Variants in GLCE observed in about 807,000 individuals in gnomAD.
The protein encoded by GLCE is glucuronic acid epimerase.
A neutral mutation model predicts 47.9 loss-of-function variants in GLCE; 19 were observed. That is an observed-to-expected ratio of 0.40 (90% confidence interval 0.28 to 0.58). The LOEUF (loss-of-function observed/expected upper bound fraction) is 0.58, where lower values mean the gene tolerates loss of function less well. Among genes scored for constraint, GLCE ranks in the 20% least tolerant of loss-of-function variants. The pLI, the probability that GLCE is intolerant of heterozygous loss-of-function variation, is 0.48. For synonymous variants in GLCE, 245 were observed against 263.4 expected, an observed-to-expected ratio of 0.93 and a Z score of 0.68; for missense variants, 556 against 743.3, an observed-to-expected ratio of 0.75 and a Z score of 2.93.
At chr15:69,254,092 C>T (rs970562760) in intron 2 of GLCE, among the ~76,000 whole-genome samples, 1 of 151,892 alleles carries the variant, frequency 6.6e-6, no homozygotes. Context: ...TATATCATTG[C>T]TGCCAAAAGG....
At chr15:69,175,278 C>A (rs1233259563) in intron 1 of GLCE, among the ~76,000 whole-genome samples, 1 of 152,018 alleles carries the variant, frequency 6.6e-6, no homozygotes, top group Non-Finnish European at 1.5e-5. Flanking sequence ...ATTCTTAATA[C>A]CACCATCTCC....
chr15:69,258,995 T>C (rs182993432), intron 3 of GLCE, among the ~76,000 whole-genome samples: 22 of 152,344 alleles, frequency 1.4e-4, no homozygotes, highest in Non-Finnish European at 1.0e-4. Flanking sequence ...GCCAGCCATT[T>C]TCCAGAAAGG....
At chr15:69,179,383 C>T (rs999460554) in intron 1 of GLCE, among the ~76,000 whole-genome samples, 4 of 152,178 alleles carry the variant, frequency 2.6e-5, no homozygotes, top group African/African-American at 7.2e-5. Context: ...CTGCTGGTAA[C>T]ATCTTATATA....
intron 1 of GLCE, among the ~76,000 whole-genome samples, chr15:69,161,422 G>C (rs1018637172): frequency 6.6e-6 from 1 of 152,008 alleles, no homozygotes; most frequent in Non-Finnish European, 1.5e-5. Flanking sequence ...GTGTAGCGGC[G>C]ACCAGCGTCT....
chr15:69,238,893 C>G (rs2052628523), intron 2 of GLCE, among the ~76,000 whole-genome samples: 1 of 152,156 alleles, frequency 6.6e-6, no homozygotes, highest in Non-Finnish European at 1.5e-5. Context: ...TCAAGGAATT[C>G]AATCTAGAGA....
At chr15:69,172,746 G>A (rs1277700269) in intron 1 of GLCE, among the ~76,000 whole-genome samples, 2 of 152,164 alleles carry the variant, frequency 1.3e-5, no homozygotes, top group Non-Finnish European at 2.9e-5. Context: ...GCCTCAAGAA[G>A]CTATCATGTC....
chr15:69,223,614 T>G (rs1334480571), intron 2 of GLCE, among the ~76,000 whole-genome samples: 1 of 152,210 alleles, frequency 6.6e-6, no homozygotes, highest in African/African-American at 2.4e-5. Flanking sequence ...ACTCGTGTCT[T>G]TCATCAAACT....
intron 3 of GLCE, among the ~76,000 whole-genome samples, chr15:69,257,782 T>C (rs1241577122): frequency 2.6e-5 from 4 of 152,060 alleles, no homozygotes; most frequent in Non-Finnish European, 5.9e-5. Context: ...ATAATCGTAA[T>C]GATGTTTACT....
intron 2 of GLCE, among the ~76,000 whole-genome samples, chr15:69,249,435 C>G (rs1403060501): frequency 6.6e-6 from 1 of 152,102 alleles, no homozygotes; most frequent in African/African-American, 2.4e-5. Context: ...AGCTGCTGAA[C>G]AAATATTGAT....
intron 2 of GLCE, among the ~76,000 whole-genome samples, chr15:69,241,160 A>G (rs963632024): frequency 1.2e-4 from 19 of 152,194 alleles, no homozygotes; most frequent in Admixed American, 1.2e-3. Flanking sequence ...GAAAAGATGG[A>G]CTAGCTTTAG....
intron 1 of GLCE, among the ~76,000 whole-genome samples, chr15:69,205,623 G>T (rs1021944344): frequency 6.6e-6 from 1 of 152,036 alleles, no homozygotes; most frequent in African/African-American, 2.4e-5. Flanking sequence ...ATGTATGAGT[G>T]TTCTAGTTGT....
At chr15:69,171,139 A>G (rs1595733622) in intron 1 of GLCE, among the ~76,000 whole-genome samples, 2 of 152,154 alleles carry the variant, frequency 1.3e-5, no homozygotes, top group East Asian at 3.9e-4. Context: ...ACCAAATAAA[A>G]TTATTCATTT....
At chr15:69,226,848 G>A (rs909876003) in intron 2 of GLCE, among the ~76,000 whole-genome samples, 1 of 138,134 alleles carries the variant, frequency 7.2e-6, no homozygotes, top group Non-Finnish European at 1.5e-5. Context: ...AGGTTCAAGC[G>A]ATTTTCCTGC....
At chr15:69,246,405 T>C (rs1440064623) in intron 2 of GLCE, among the ~76,000 whole-genome samples, 1 of 152,186 alleles carries the variant, frequency 6.6e-6, no homozygotes, top group Non-Finnish European at 1.5e-5. Flanking sequence ...TGTTACAAAA[T>C]GTATTTATTA....
chr15:69,205,165 C>G (rs774895567), intron 1 of GLCE, among the ~76,000 whole-genome samples: 4 of 151,862 alleles, frequency 2.6e-5, no homozygotes, highest in Admixed American at 6.6e-5. Flanking sequence ...TGTGCTCCCC[C>G]CCACCCCTCA....
chr15:69,188,029 A>G (rs780814931), intron 1 of GLCE, among the ~76,000 whole-genome samples: 8 of 152,082 alleles, frequency 5.3e-5, no homozygotes, highest in Non-Finnish European at 1.0e-4. Flanking sequence ...GCCCCACTGC[A>G]CTCCAGCCTG....
At chr15:69,204,277 C>CTTTTTTTT (rs57376738) in intron 1 of GLCE, among the ~76,000 whole-genome samples, 1 of 88,352 alleles carries the variant, frequency 1.1e-5, no homozygotes, top group African/African-American at 4.1e-5. Flanking sequence ...GATTGTTTTA[C>CTTTTTTTT]TTTTTTTTTT....
chr15:69,229,987 A>G (rs1595768803), intron 2 of GLCE, among the ~76,000 whole-genome samples: 1 of 152,168 alleles, frequency 6.6e-6, no homozygotes, highest in South Asian at 2.1e-4. Context: ...AGGAGGGTGG[A>G]TCACTTGAGG....
At chr15:69,235,516 T>C (rs1051289963) in intron 2 of GLCE, among the ~76,000 whole-genome samples, 1 of 152,190 alleles carries the variant, frequency 6.6e-6, no homozygotes, top group Non-Finnish European at 1.5e-5. Flanking sequence ...AAATTAAGTG[T>C]TCACTTAATC....
Sources: allele counts gnomAD v4.1 joint callset (sites outside exome capture counted in the v4.1 genomes callset), GRCh38; gene constraint gnomAD v4.1.1; transcripts MANE v1.5; gene names NCBI Gene and HGNC (gene_info 2026-07-23, HGNC 2026-07-21).